SYT9: variants seen among roughly 807,000 people sequenced by gnomAD.
SYT9 encodes the protein synaptotagmin-9.
Under a neutral mutation model 48.4 loss-of-function variants are expected in SYT9, and 22 were observed. That is an observed-to-expected ratio of 0.45 (90% CI 0.32 to 0.65). The LOEUF (loss-of-function observed/expected upper bound fraction) is 0.65, where lower values mean the gene tolerates loss of function less well. SYT9 is among the 30% of genes least tolerant of loss of function. The probability of loss-of-function intolerance (pLI) is 0.03; values close to 1 mark genes in which losing one functional copy is unlikely to be tolerated. For missense variants in SYT9, 577 were observed against 622.0 expected, an observed-to-expected ratio of 0.93 and a Z score of 0.77; for synonymous variants, 265 against 245.0, an observed-to-expected ratio of 1.08 and a Z score of -0.76.
At chr11:7,401,908 A>T (rs1052489038) in intron 3 of SYT9, among the ~76,000 whole-genome samples, 1 of 150,034 alleles carries the variant, frequency 6.7e-6, no homozygotes, top group Non-Finnish European at 1.5e-5. Context: ...CTTGTTTTTC[A>T]TGTTCCTTAA....
At chr11:7,414,674 A>G (rs144524959) in intron 3 of SYT9, among the ~76,000 whole-genome samples, 1 of 149,360 alleles carries the variant, frequency 6.7e-6, no homozygotes, top group Non-Finnish European at 1.5e-5. Context: ...ATTTATTTAC[A>G]CTGGGCAAGC....
chr11:7,252,207 G>T lies in SYT9; in HGVS notation c.21G>T (p.Ala7=), dbSNP rs773542932. The T allele has an allele frequency of 6.1e-6, 9 of 1,473,218 alleles. No individual in the cohort carries two copies. Among genetic ancestry groups the T allele is most frequent in the South Asian group, 1.3e-5 (1 of 75,466 alleles). 91.3% of individuals were successfully genotyped at this position (1,473,218 alleles called of 1,614,324 possible). Residue 7 remains alanine, a synonymous_variant, in exon 1 of 7, where the codon GCG becomes GCT. Transcript: ENST00000318881. The surrounding 1 kb of genome is among the most constrained non-coding windows in gnomAD (Gnocchi z 6.3). MPGARD[A]LCHQALQLLA... ...GGGCGATGCCCGGGGCCAGGGACGC[G>T]CTCTGTCACCAGGCGCTGCAGCTGC...
intron 6 of SYT9, among the ~76,000 whole-genome samples, chr11:7,456,007 T>C (rs1402642997): frequency 6.6e-6 from 1 of 152,178 alleles, no homozygotes; most frequent in Non-Finnish European, 1.5e-5. Flanking sequence ...CTCCATGAAG[T>C]TTCTAGTGAG....
At chr11:7,374,968 C>T (rs952823798) in intron 3 of SYT9, among the ~76,000 whole-genome samples, 8 of 151,982 alleles carry the variant, frequency 5.3e-5, no homozygotes, top group South Asian at 4.1e-4. Context: ...CCATTGCTTT[C>T]GGTGTTTTAG....
At chr11:7,400,806 T>C (rs1011896933) in intron 3 of SYT9, among the ~76,000 whole-genome samples, 16 of 152,130 alleles carry the variant, frequency 1.1e-4, no homozygotes, top group Admixed American at 9.8e-4. Flanking sequence ...CTGATGTTCC[T>C]TCTCACCTAA....
At chr11:7,430,156 A>G (rs899047687) in intron 6 of SYT9, among the ~76,000 whole-genome samples, 14 of 152,178 alleles carry the variant, frequency 9.2e-5, no homozygotes, top group Non-Finnish European at 1.8e-4. Context: ...TACGTTATCT[A>G]TTTTTATGTA....
chr11:7,242,795 C>T (rs1013280198), intron 1 of SYT9, among the ~76,000 whole-genome samples: 1 of 152,016 alleles, frequency 6.6e-6, no homozygotes, highest in Non-Finnish European at 1.5e-5. Context: ...ACCTGTAATC[C>T]CAGCACTTTG....
At chr11:7,292,554 A>C (rs1382300129) in intron 1 of SYT9, among the ~76,000 whole-genome samples, 2 of 152,190 alleles carry the variant, frequency 1.3e-5, no homozygotes, top group African/African-American at 4.8e-5. Flanking sequence ...ACAGCCCTAC[A>C]GGGCAGGTTG....
intron 1 of SYT9, among the ~76,000 whole-genome samples, chr11:7,293,490 A>G (rs1848730600): frequency 6.6e-6 from 1 of 152,210 alleles, no homozygotes; most frequent in African/African-American, 2.4e-5. Flanking sequence ...TGTCTGCTGC[A>G]AGAATGAAAA....
At chr11:7,412,116 A>G (rs1279072750) in intron 3 of SYT9, among the ~76,000 whole-genome samples, 1 of 152,128 alleles carries the variant, frequency 6.6e-6, no homozygotes, top group Admixed American at 6.5e-5. Flanking sequence ...ATTGTTTTTC[A>G]AAATTATCTT....
At chr11:7,420,969 G>A (rs1413768402) in intron 6 of SYT9, among the ~76,000 whole-genome samples, 6 of 152,174 alleles carry the variant, frequency 3.9e-5, no homozygotes, top group Non-Finnish European at 5.9e-5. Context: ...TCAGGCCTTC[G>A]TACAGTGACT....
intron 6 of SYT9, among the ~76,000 whole-genome samples, chr11:7,432,565 AAAAAAAAAAAAAAAAAAATATATATAC>A (rs1564901880): frequency 5.7e-4 from 7 of 12,230 alleles, no homozygotes; most frequent in African/African-American, 2.2e-3. Context: ...AAAAAAAAAA[AAAAAAAAAAAAAAAAAAATATATATAC>A]ATATATATAT....
chr11:7,427,361 T>C (rs1301139104), intron 6 of SYT9: 1 of 152,238 alleles, frequency 6.6e-6, no homozygotes, highest in African/African-American at 2.4e-5. Flanking sequence ...TGCCACGTAA[T>C]GACAATGGCT....
chr11:7,446,728 G>A (rs1339011979), intron 6 of SYT9, among the ~76,000 whole-genome samples: 1 of 152,224 alleles, frequency 6.6e-6, no homozygotes, highest in Non-Finnish European at 1.5e-5. Context: ...CTCTCCAGAG[G>A]CGGAAGACCA....
chr11:7,432,225 T>C (rs936384457), intron 6 of SYT9, among the ~76,000 whole-genome samples: 1 of 152,120 alleles, frequency 6.6e-6, no homozygotes, highest in Non-Finnish European at 1.5e-5. Flanking sequence ...ATATGGGACA[T>C]AGAGTCAAGG....
chr11:7,420,665 G>C, intron 6 of SYT9, 30 bp downstream of exon 6: 1 of 1,613,448 alleles, frequency 6.2e-7, no homozygotes, highest in Non-Finnish European at 8.5e-7. Context: ...GCTCCACTTT[G>C]CATAAGAGTA....
intron 6 of SYT9, among the ~76,000 whole-genome samples, chr11:7,451,897 A>G (rs1848059568): frequency 6.6e-6 from 1 of 152,210 alleles, no homozygotes; most frequent in South Asian, 2.1e-4. Flanking sequence ...GTTCCTTGCA[A>G]GGGACTAGCA....
chr11:7,384,132 G>T (rs540987141), intron 3 of SYT9, among the ~76,000 whole-genome samples: 168 of 150,476 alleles, frequency 1.1e-3, no homozygotes, highest in Non-Finnish European at 2.1e-3. Context: ...TCTCAAAATC[G>T]TTATACACTT....
chr11:7,243,964 T>C (rs1002303193), intron 1 of SYT9, among the ~76,000 whole-genome samples: 3 of 151,728 alleles, frequency 2.0e-5, no homozygotes, highest in Non-Finnish European at 4.4e-5. Flanking sequence ...TTTAAATTCA[T>C]CTGTTGGTGG....
Sources: gnomAD v4.1 joint callset for allele counts (sites outside exome capture counted in the v4.1 genomes callset) on GRCh38, gnomAD v4.1.1 for gene constraint, Gnocchi (gnomAD v3.1) non-coding constraint, MANE v1.5 for transcripts, NCBI Gene and HGNC (gene_info 2026-07-23, HGNC 2026-07-21) for gene names.